The following STK10 variants were observed in gnomAD, a reference collection of about 807,000 sequenced individuals.
STK10 encodes serine/threonine kinase 10.
In STK10, 78 loss-of-function variants were observed where a neutral mutation model predicts 113.8. That is an observed-to-expected ratio of 0.69 (90% CI 0.57 to 0.83). The LOEUF (loss-of-function observed/expected upper bound fraction) is 0.83, where lower values mean the gene tolerates loss of function less well. Among genes scored for constraint, STK10 ranks in the 40% least tolerant of loss-of-function variants. The pLI, the probability that STK10 is intolerant of heterozygous loss-of-function variation, is 0.00. For synonymous variants in STK10, 465 were observed against 494.7 expected, an observed-to-expected ratio of 0.94 and a Z score of 0.80; for missense variants, 1,109 against 1,280.1, an observed-to-expected ratio of 0.87 and a Z score of 2.04.
At chr5:172,151,339 T>A (rs1468379269) in intron 2 of STK10, among the ~76,000 whole-genome samples, 1 of 151,926 alleles carries the variant, frequency 6.6e-6, no homozygotes, top group Non-Finnish European at 1.5e-5. Flanking sequence ...TTCTTTTTTT[T>A]CTTTTTCTTT....
In STK10 at chr5:172,093,306, A is replaced by G. The variant is rs1388538423; in HGVS notation, c.1554+106T>C. On this transcript the variant is annotated intron_variant, in intron 9 of 18. Transcript: ENST00000176763. This position sits in a 1 kb window ranked among gnomAD's most constrained non-coding sequence, Gnocchi z 4.1. ...CAAACCCAAAACCCCCTAATGAACC[A>G]CTTAAAATGCAAGGAAGCCCCTAAA... The G allele has an allele frequency of 8.0e-7, 1 of 1,255,550 alleles. No homozygotes were observed. The highest frequency in any genetic ancestry group is 1.1e-6 in the Non-Finnish European group (1 of 904,146). The allele number at this position is 1,255,550 out of a possible 1,614,324, so 77.8% of individuals were successfully genotyped here. A position where few individuals can be genotyped will look rare whatever the true frequency, so the allele number is the denominator to read the frequency against.
intron 1 of STK10, among the ~76,000 whole-genome samples, chr5:172,165,516 G>A (rs1206427640): frequency 6.6e-6 from 1 of 152,304 alleles, no homozygotes; most frequent in African/African-American, 2.4e-5. Context: ...GGAGCAGTGG[G>A]GGACTTGGCC....
chr5:172,059,271 A>C (rs922251477), intron 14 of STK10, among the ~76,000 whole-genome samples: 3 of 151,938 alleles, frequency 2.0e-5, no homozygotes, highest in Non-Finnish European at 4.4e-5. Flanking sequence ...AAATATAAAA[A>C]ATTAGCTGGA....
In STK10 at chr5:172,141,103, G is replaced by A. The variant is rs114515952; in HGVS notation, c.322-13682C>T. Among the ~76,000 whole-genome samples the A allele has an allele frequency of 1.9e-3, 284 of 152,272 alleles. 1 individual carries two copies. The Middle Eastern group carries it at 0.02, about 11-fold the overall frequency. On this transcript the variant is annotated intron_variant, in intron 2 of 18. Coordinates refer to ENST00000176763, the MANE Select transcript of STK10 (RefSeq NM_005990.4). ...TCAAGAGTGGAATGGTGGCTGCCACGGGCTGATGGTAGAGGAAATGGGGAG... is the reference window on the plus strand; with the variant it reads ...TCAAGAGTGGAATGGTGGCTGCCACAGGCTGATGGTAGAGGAAATGGGGAG...
chr5:172,145,418 G>T (rs1421476906), intron 2 of STK10, among the ~76,000 whole-genome samples: 3 of 151,586 alleles, frequency 2.0e-5, no homozygotes, highest in Non-Finnish European at 2.9e-5. Flanking sequence ...GTCCTTGAGG[G>T]ACAGGTAGGA....
intron 9 of STK10, among the ~76,000 whole-genome samples, chr5:172,091,094 G>A (rs1443070409): frequency 6.6e-6 from 1 of 152,100 alleles, no homozygotes; most frequent in Admixed American, 6.6e-5. Flanking sequence ...TCCCAGGGTG[G>A]TTGTGAAGAT....
chr5:172,103,159 T>G (rs1393136828), intron 7 of STK10, among the ~76,000 whole-genome samples: 1 of 152,210 alleles, frequency 6.6e-6, no homozygotes, highest in East Asian at 1.9e-4. Flanking sequence ...AGCCAAGATC[T>G]GGGCCCACCT....
At chr5:172,064,585 G>T in intron 13 of STK10, 135 bp downstream of exon 13, 1 of 857,002 alleles carries the variant, frequency 1.2e-6, no homozygotes, top group Non-Finnish European at 1.9e-6. Context: ...GGGCCATGAA[G>T]GATGAGGCCA....
chr5:172,136,489 C>T (rs13155933), intron 2 of STK10, among the ~76,000 whole-genome samples: 8 of 151,832 alleles, frequency 5.3e-5, no homozygotes, highest in South Asian at 4.1e-4. Context: ...CCCAGCTACT[C>T]GGGAGGCTGA....
chr5:172,101,942 G>A (rs1300794346), intron 7 of STK10, among the ~76,000 whole-genome samples: 1 of 150,172 alleles, frequency 6.7e-6, no homozygotes, highest in Non-Finnish European at 1.5e-5. Context: ...GTGTGGGAGC[G>A]AGAGGGGCGA....
chr5:172,055,558 A>G (rs1767729546), intron 16 of STK10, 30 bp downstream of exon 16: 2 of 1,419,782 alleles, frequency 1.4e-6, no homozygotes, highest in South Asian at 3.2e-5. Context: ...ACCCCAGCAC[A>G]CTTGCAGACC....
Position 172,187,702 on chromosome 5 carries a change from G to A in STK10, c.156+185C>T, listed in dbSNP as rs1370507191. Among the ~76,000 whole-genome samples, 1 of 152,192 alleles carries A rather than the reference G, an allele frequency of 6.6e-6. No individual in the cohort carries two copies. The highest frequency in any genetic ancestry group is 1.5e-5 in the Non-Finnish European group (1 of 68,024). On this transcript the variant is annotated intron_variant, in intron 1 of 18. Transcript: ENST00000176763. The surrounding 1 kb of genome is among the most constrained non-coding windows in gnomAD (Gnocchi z 4.6). ...CCGGAGGGGGCGCCCAGAGCGCAGG[G>A]ACTCGGCCGGGCCGAGTGATGTTCC...
intron 1 of STK10, among the ~76,000 whole-genome samples, chr5:172,176,519 T>C (rs539839001): frequency 6.6e-6 from 1 of 152,258 alleles, no homozygotes; most frequent in African/African-American, 2.4e-5. Flanking sequence ...CCATTCAGCA[T>C]GGACCACCTT....
At chr5:172,100,678 T>C (rs1216342775) in intron 7 of STK10, among the ~76,000 whole-genome samples, 3 of 151,908 alleles carry the variant, frequency 2.0e-5, no homozygotes, top group Admixed American at 2.0e-4. Context: ...TCCCAGCTAC[T>C]CGGGAGGCTG....
chr5:172,052,044 C>T (rs1347845469), intron 18 of STK10, among the ~76,000 whole-genome samples: 1 of 152,204 alleles, frequency 6.6e-6, no homozygotes, highest in East Asian at 1.9e-4. Context: ...CTCCCCGCTC[C>T]TCTGCGTGTG....
At chr5:172,125,369 T>C (rs1769597873) in intron 3 of STK10, among the ~76,000 whole-genome samples, 1 of 151,806 alleles carries the variant, frequency 6.6e-6, no homozygotes, top group South Asian at 2.1e-4. Flanking sequence ...GTACAAGTCA[T>C]CTGCTCATGA....
chr5:172,113,369 A>G (rs951811374), intron 4 of STK10, among the ~76,000 whole-genome samples: 5 of 152,210 alleles, frequency 3.3e-5, no homozygotes, highest in African/African-American at 7.2e-5. Context: ...ATCCATGAAC[A>G]AGCACACTCA....
intron 1 of STK10, among the ~76,000 whole-genome samples, chr5:172,183,646 G>A (rs1304325395): frequency 6.6e-6 from 1 of 151,994 alleles, no homozygotes; most frequent in East Asian, 1.9e-4. Flanking sequence ...TAGTAGAGAT[G>A]GGGTTTTACC....
intron 1 of STK10, among the ~76,000 whole-genome samples, chr5:172,171,377 T>C (rs1432986622): frequency 6.6e-6 from 1 of 152,132 alleles, no homozygotes; most frequent in African/African-American, 2.4e-5. Context: ...CCAGAAGCTG[T>C]TGTGAGCATT....
Sources: allele counts gnomAD v4.1 joint callset (sites outside exome capture counted in the v4.1 genomes callset), GRCh38; gene constraint gnomAD v4.1.1; non-coding constraint Gnocchi (gnomAD v3.1); transcripts MANE v1.5; gene names NCBI Gene and HGNC (gene_info 2026-07-23, HGNC 2026-07-21).